Variants in FOXP2 observed in about 807,000 individuals in gnomAD.
FOXP2 encodes forkhead box P2, also known as forkhead box protein P2.
FOXP2 carries 12 observed loss-of-function variants against 115.8 expected under a neutral mutation model. The observed-to-expected ratio is 0.10, with a 90% CI of 0.07 to 0.17. The LOEUF (loss-of-function observed/expected upper bound fraction) is 0.17, where lower values mean the gene tolerates loss of function less well. FOXP2 is among the 10% of genes least tolerant of loss of function. FOXP2 has a pLI of 1.00. For missense variants in FOXP2, 629 were observed against 843.5 expected (o/e 0.75, Z 3.15); for synonymous variants, 328 against 297.7 (o/e 1.10, Z -1.05).
chr7:114,256,840 G>T (rs1015467879), intron 1 of FOXP2, among the ~76,000 whole-genome samples: 2 of 152,142 alleles, frequency 1.3e-5, no homozygotes, highest in Non-Finnish European at 2.9e-5. Context: ...TGGATAGAAA[G>T]AATCAATATA....
intron 3 of FOXP2, among the ~76,000 whole-genome samples, chr7:114,574,540 A>C (rs557228733): frequency 6.6e-6 from 1 of 151,876 alleles, no homozygotes; most frequent in African/African-American, 2.4e-5. Flanking sequence ...CCAAGATTCT[A>C]AATTTCACAA....
intron 1 of FOXP2, among the ~76,000 whole-genome samples, chr7:114,090,650 C>T (rs1799523641): frequency 6.6e-6 from 1 of 151,736 alleles, no homozygotes; most frequent in East Asian, 1.9e-4. Flanking sequence ...TGCAAATATT[C>T]TAATGCCTAA....
chr7:114,341,911 A>G (rs888132928), intron 2 of FOXP2, among the ~76,000 whole-genome samples: 17 of 151,328 alleles, frequency 1.1e-4, no homozygotes, highest in African/African-American at 3.9e-4. Context: ...GCCAAAGTCT[A>G]CTTGATTCTT....
At chr7:114,305,298 A>G (rs1195797397) in intron 2 of FOXP2, among the ~76,000 whole-genome samples, 3 of 152,194 alleles carry the variant, frequency 2.0e-5, no homozygotes, top group African/African-American at 7.2e-5. Flanking sequence ...CTCTTGTAAA[A>G]TGGCTCACAT....
chr7:114,346,468 AT>A (rs1438198961), intron 2 of FOXP2, among the ~76,000 whole-genome samples: 4 of 152,024 alleles, frequency 2.6e-5, no homozygotes, highest in Non-Finnish European at 5.9e-5. Context: ...TGTCAAAGAT[AT>A]CTCTGCAGTC....
At chr7:114,089,587 G>A (rs533511321) in intron 1 of FOXP2, among the ~76,000 whole-genome samples, 2 of 151,880 alleles carry the variant, frequency 1.3e-5, no homozygotes, top group African/African-American at 4.8e-5. Flanking sequence ...TTATGAAATG[G>A]TTGTACCTGA....
chr7:114,240,494 C>T (rs78700312), intron 1 of FOXP2, among the ~76,000 whole-genome samples: 6,322 of 151,680 alleles, frequency 0.042, 323 homozygotes, highest in African/African-American at 0.12. Flanking sequence ...AAAAATGCAT[C>T]GTTTTGTTAT....
intron 2 of FOXP2, among the ~76,000 whole-genome samples, chr7:114,357,880 G>T (rs1237277923): frequency 6.6e-6 from 1 of 152,092 alleles, no homozygotes; most frequent in Non-Finnish European, 1.5e-5. Flanking sequence ...AACCAATTTA[G>T]AGATTGTCAT....
Position 114,664,575 on chromosome 7 carries a change from A to C in FOXP2, c.2003+139A>C, listed in dbSNP as rs1378772. 9.4e-5 allele frequency: 91 copies of C among 968,398 alleles called. No individual in the cohort carries two copies. In the African/African-American group the frequency reaches 1.3e-3, roughly 14 times the overall value. 60.0% of individuals were successfully genotyped at this position (968,398 alleles called of 1,614,324 possible). A position where few individuals can be genotyped will look rare whatever the true frequency, so the allele number is the denominator to read the frequency against. ...TGGAGTTAAATTATACCACGTTCAT[A>C]ATATGACAAAGTTTATCAAAATCGG... On this transcript the variant is annotated intron_variant, in intron 16 of 16. Coordinates refer to ENST00000350908, the MANE Select transcript of FOXP2 (RefSeq NM_014491.4).
intron 2 of FOXP2, among the ~76,000 whole-genome samples, chr7:114,378,265 T>TA (rs1401132510): frequency 6.6e-6 from 1 of 152,138 alleles, no homozygotes; most frequent in African/African-American, 2.4e-5. Flanking sequence ...ACATAGGAGT[T>TA]AGATGGAGTA....
At chr7:114,492,403 C>T (rs1797107018) in intron 2 of FOXP2, among the ~76,000 whole-genome samples, 1 of 152,144 alleles carries the variant, frequency 6.6e-6, no homozygotes, top group Non-Finnish European at 1.5e-5. Flanking sequence ...TTTTGTATCT[C>T]TATTTCCTTC....
intron 2 of FOXP2, among the ~76,000 whole-genome samples, chr7:114,471,125 G>A (rs1404608382): frequency 6.6e-6 from 1 of 152,056 alleles, no homozygotes; most frequent in Non-Finnish European, 1.5e-5. Flanking sequence ...TTTTAAGTAT[G>A]TTAAAGGGAG....
At chr7:114,527,221 T>TGG (rs1798924945) in intron 2 of FOXP2, among the ~76,000 whole-genome samples, 1 of 152,170 alleles carries the variant, frequency 6.6e-6, no homozygotes, top group African/African-American at 2.4e-5. Context: ...GAATTTGGGT[T>TGG]GTTTACATCT....
chr7:114,088,397 G>C (rs1423955939), intron 1 of FOXP2: 1 of 152,272 alleles, frequency 6.6e-6, no homozygotes, highest in African/African-American at 2.4e-5. Flanking sequence ...CATGTCCAGA[G>C]TCTACTTGGA....
intron 1 of FOXP2, among the ~76,000 whole-genome samples, chr7:114,126,354 G>C (rs1017074273): frequency 6.6e-6 from 1 of 152,106 alleles, no homozygotes; most frequent in African/African-American, 2.4e-5. Flanking sequence ...GTATGTGTGT[G>C]TATGTGTCAA....
chr7:114,621,834 A>T (rs1199384803), intron 3 of FOXP2, among the ~76,000 whole-genome samples: 1 of 152,098 alleles, frequency 6.6e-6, no homozygotes, highest in Non-Finnish European at 1.5e-5. Context: ...ACACTTAAAA[A>T]TAATCAGTAA....
chr7:114,539,103 C>A (rs1271056549), intron 3 of FOXP2, among the ~76,000 whole-genome samples: 2 of 151,620 alleles, frequency 1.3e-5, no homozygotes, highest in African/African-American at 2.4e-5. Flanking sequence ...TTAAAAATAA[C>A]AAAAGCTGAC....
intron 1 of FOXP2, among the ~76,000 whole-genome samples, chr7:114,230,336 A>T (rs1794843641): frequency 1.3e-5 from 2 of 151,932 alleles, no homozygotes; most frequent in African/African-American, 4.8e-5. Context: ...ACACTTCTAA[A>T]AACTGAAAAG....
At chr7:114,290,943 C>T (rs960573474) in intron 2 of FOXP2, among the ~76,000 whole-genome samples, 4 of 151,984 alleles carry the variant, frequency 2.6e-5, no homozygotes, top group African/African-American at 4.8e-5. Context: ...TTTTATTTTC[C>T]ATTATATTCA....
Sources: gnomAD v4.1 joint callset for allele counts (sites outside exome capture counted in the v4.1 genomes callset) on GRCh38, gnomAD v4.1.1 for gene constraint, MANE v1.5 for transcripts, NCBI Gene and HGNC (gene_info 2026-07-23, HGNC 2026-07-21) for gene names.